The following SNRNP200 variants were observed in gnomAD, a reference collection of about 807,000 sequenced individuals.
The protein encoded by SNRNP200 is small nuclear ribonucleoprotein U5 subunit 200.
A neutral mutation model predicts 255.2 loss-of-function variants in SNRNP200; 66 were observed. The observed-to-expected ratio is 0.26, with a 90% confidence interval of 0.21 to 0.32. The LOEUF is 0.32. Among genes scored for constraint, SNRNP200 ranks in the 10% least tolerant of loss-of-function variants. SNRNP200 has a pLI of 1.00. For synonymous variants in SNRNP200, 939 were observed against 1,027.8 expected (o/e 0.91, Z 1.65); for missense variants, 1,585 against 2,749.8 (o/e 0.58, Z 9.47).
Position 96,284,523 on chromosome 2 carries a change from T to G in SNRNP200, c.4227A>C (p.Thr1409=), listed in dbSNP as rs1251386665. ...DRLNKKVVLL[T]GETSTDLKLL... Reference sequence around the variant, plus strand: ...GCTTCAGGTCTGTGCTGGTCTCGCCTGTCAGGAGTACCACCTTCTTGTTGA... The same window carrying G: ...GCTTCAGGTCTGTGCTGGTCTCGCCGGTCAGGAGTACCACCTTCTTGTTGA... The change falls in exon 31 of 45, where the codon ACA becomes ACC. Residue 1409 remains threonine, a synonymous_variant. Transcript: ENST00000323853. 1 of 1,614,046 alleles carries G rather than the reference T, an allele frequency of 6.2e-7. No individual in the cohort carries two copies. The highest frequency in any genetic ancestry group is 2.2e-5 in the East Asian group (1 of 44,888).
rs764275867 is a variant in SNRNP200 at position 96,297,370 on chromosome 2, G to A, written c.1370C>T (p.Ser457Leu). 1.9e-6 allele frequency: 3 copies of A among 1,613,484 alleles called. No individual in the cohort carries two copies. The highest frequency in any genetic ancestry group is 2.5e-6 in the Non-Finnish European group (3 of 1,180,018). ...AGAAAGCAATTCACTTACTTCTTCT[G>A]AGCCAAAGGGCTTGGGCTTCAGAGC... is the stretch of plus-strand genomic sequence containing the variant. ...VPALKPKPFG[S>L]EEQLLPVEKL... is the part of the protein sequence containing the mutation. The change falls in exon 11 of 45, where the codon TCA (serine) becomes TTA (leucine). Residue 457 changes from serine (S) to leucine (L), a missense_variant. Ser to Leu is a moderately radical substitution (Grantham distance 145, BLOSUM62 -2). This residue lies in a region of SNRNP200 where 383 missense variants were observed against 645.3 expected (regional missense o/e 0.59). Transcript: ENST00000323853.
rs1158315012 is a variant in SNRNP200 at position 96,284,544 on chromosome 2, G to T, written c.4206C>A (p.Asn1402Lys). The change falls in exon 31 of 45, where the codon AAC becomes AAA. Residue 1402 changes from asparagine (N) to lysine (K), a missense_variant. Asn to Lys is a moderately conservative substitution (Grantham distance 94). Coordinates refer to ENST00000323853, the MANE Select transcript of SNRNP200 (RefSeq NM_014014.5). ...CGCCTGTCAGGAGTACCACCTTCTT[G>T]TTGAGCCTGTCCTGGAACTTCTCGT... The part of the protein sequence containing the change: ...DWYEKFQDRL[N>K]KKVVLLTGET... 4.3e-6 allele frequency: 7 copies of T among 1,614,132 alleles called. No individual in the cohort carries two copies. The highest frequency in any genetic ancestry group is 5.1e-6 in the Non-Finnish European group (6 of 1,180,012).
At chr2:96,292,449 A>G (rs2063889916) in intron 16 of SNRNP200, among the ~76,000 whole-genome samples, 1 of 152,226 alleles carries the variant, frequency 6.6e-6, no homozygotes, top group Non-Finnish European at 1.5e-5. Flanking sequence ...TTGTTAGTTA[A>G]CATTGCTCAA....
rs377640627 is a variant in SNRNP200, at chr2:96,275,053, C to T, written c.6370G>A (p.Val2124Met). ...TCTGTCTCAGCTTCTTTCACATCCACGCTGAATTTGTACTCCTGGTCACAT... is the reference window on the plus strand; with the variant it reads ...TCTGTCTCAGCTTCTTTCACATCCATGCTGAATTTGTACTCCTGGTCACAT... ...MGCDQEYKFS[V>M]DVKEAETDSD... The change falls in exon 45 of 45, where the codon GTG becomes ATG. Residue 2124 changes from valine (V) to methionine (M), a missense_variant. Around this residue, in one of 9 missense-constraint regions of SNRNP200, gnomAD observed 279 missense variants for 551.2 expected, o/e 0.51. Coordinates refer to ENST00000323853, the MANE Select transcript of SNRNP200 (RefSeq NM_014014.5). 2.0e-5 allele frequency: 33 copies of T among 1,614,264 alleles called. No homozygotes were observed. The highest frequency in any genetic ancestry group is 2.3e-5 in the Non-Finnish European group (27 of 1,180,054).
At chr2:96,288,585 TC>T in intron 24 of SNRNP200, 77 bp downstream of exon 24, 1 of 1,314,102 alleles carries the variant, frequency 7.6e-7, no homozygotes, top group Non-Finnish European at 1.1e-6. Context: ...GGGCCTCCTT[TC>T]CCCAGGATGC....
chr2:96,290,227 C>T lies in SNRNP200; in HGVS notation c.2742+99G>A, dbSNP rs538907205. The T allele has an allele frequency of 9.0e-6, 12 of 1,338,188 alleles. No individual in the cohort carries two copies. Among genetic ancestry groups the T allele is most frequent in the South Asian group, 3.5e-5 (3 of 84,840 alleles). The allele number at this position is 1,338,188 out of a possible 1,614,324, so 82.9% of individuals were successfully genotyped here. On this transcript the variant is annotated intron_variant, in intron 20 of 44. Transcript: ENST00000323853. The surrounding 1 kb of genome is among the most constrained non-coding windows in gnomAD (Gnocchi z 4.5). ...ATGTGGGTGCAGGGATGGAAGGCCT[C>T]GGACGCTGCTGGCCCGCAGCACAAT...
At position 96,275,034 on chromosome 2, in the gene SNRNP200, T is replaced by C. The variant is rs1489562732; in HGVS notation, c.6389A>G (p.Glu2130Gly). 6.2e-7 allele frequency: 1 copy of C among 1,614,236 alleles called. No individual in the cohort carries two copies. Among genetic ancestry groups the C allele is most frequent in the Non-Finnish European group, 8.5e-7 (1 of 1,180,046 alleles). Residue 2130 changes from glutamate to glycine, a missense_variant, in exon 45 of 45, where the codon GAG becomes GGG. Around this residue, in one of 9 missense-constraint regions of SNRNP200, gnomAD observed 279 missense variants for 551.2 expected, o/e 0.51. Coordinates refer to ENST00000323853, the MANE Select transcript of SNRNP200 (RefSeq NM_014014.5). ...GACTCAATCTGAATCACTGTCTGTC[T>C]CAGCTTCTTTCACATCCACGCTGAA... Reference protein sequence around the residue: ...YKFSVDVKEAETDSDSD With the variant: ...YKFSVDVKEAGTDSDSD
intron 35 of SNRNP200, chr2:96,281,514 C>T: frequency 2.6e-6 from 1 of 387,702 alleles, no homozygotes; most frequent in Non-Finnish European, 5.0e-6. Flanking sequence ...ATGACCTCGA[C>T]CAAGTCACTT....
chr2:96,279,510 T>C lies in SNRNP200; in HGVS notation c.5074A>G (p.Asn1692Asp). 1 of 1,614,122 alleles carries C rather than the reference T, an allele frequency of 6.2e-7. No homozygotes were observed. Among genetic ancestry groups the C allele is most frequent in the South Asian group, 1.1e-5 (1 of 91,072 alleles). ...CCCTCATCGTCCTGCAAAGGGCGGT[T>C]GGCGTGGCCCACCATCTGAAGCACG... ...YDVLQMVGHA[N>D]RPLQDDEGRC... Residue 1692 changes from asparagine to aspartate, a missense_variant, in exon 36 of 45, where the codon AAC becomes GAC. Transcript: ENST00000323853.
chr2:96,278,112 G>A lies in SNRNP200; in HGVS notation c.5610+125C>T. 3.3e-6 allele frequency: 5 copies of A among 1,535,072 alleles called. No homozygotes were observed. The highest frequency in any genetic ancestry group is 4.5e-6 in the Non-Finnish European group (5 of 1,111,382). ...TGGGTTTGAGGGAGGTATGGAGCGG[G>A]AGGACATATGGCGGGGGTCGGGGGA... On this transcript the variant is annotated intron_variant, in intron 39 of 44. Transcript: ENST00000323853. This position sits in a 1 kb window ranked among gnomAD's most constrained non-coding sequence, Gnocchi z 6.9.
chr2:96,299,065 C>T, intron 6 of SNRNP200, 98 bp from the exon 7 acceptor site: 1 of 1,503,504 alleles, frequency 6.7e-7, no homozygotes, highest in East Asian at 2.3e-5. Flanking sequence ...AATCCATAGC[C>T]CACCTTCTTG....
In SNRNP200 at chr2:96,285,173, G is replaced by A. The variant is rs768889200; in HGVS notation, c.4164+7C>T. 24 of 1,613,780 alleles carry A rather than the reference G, an allele frequency of 1.5e-5. No individual in the cohort carries two copies. Among genetic ancestry groups the A allele is most frequent in the East Asian group, 8.9e-5 (4 of 44,902 alleles). On this transcript the variant is annotated splice_region_variant and intron_variant, in intron 30 of 44. Transcript: ENST00000323853. Reference sequence around the variant, plus strand: ...GGAAATTCACATGACACAGCGCCACGTCATACCTGCTCTGCCAGGGCCTCC... The same window carrying A: ...GGAAATTCACATGACACAGCGCCACATCATACCTGCTCTGCCAGGGCCTCC...
At position 96,303,215 on chromosome 2, in the gene SNRNP200, T is replaced by C; in HGVS notation, c.325A>G (p.Thr109Ala). Residue 109 changes from threonine to alanine, a missense_variant, in exon 3 of 45, where the codon ACT becomes GCT. Thr to Ala is a moderately conservative substitution (Grantham distance 58, BLOSUM62 0). This residue lies in a region of SNRNP200 where 383 missense variants were observed against 645.3 expected (regional missense o/e 0.59). Transcript: ENST00000323853. ...AGTAGCACCTCATAGGTCTCCCGAG[T>C]CTCTTTAGTTTTGGGCTTGTAGATG... ...GIIYKPKTKE[T>A]RETYEVLLSF... 1 of 1,613,946 alleles carries C rather than the reference T, an allele frequency of 6.2e-7. No homozygotes were observed. Among genetic ancestry groups the C allele is most frequent in the Non-Finnish European group, 8.5e-7 (1 of 1,179,990 alleles).
intron 43 of SNRNP200, chr2:96,276,314 C>T (rs905147357): frequency 6.4e-5 from 10 of 155,940 alleles, no homozygotes; most frequent in African/African-American, 2.2e-4. Context: ...CCAGGAAAGC[C>T]CAAGTGTCCT....
intron 5 of SNRNP200, among the ~76,000 whole-genome samples, 161 bp from the exon 6 acceptor site, chr2:96,299,588 C>T (rs1303517268): frequency 1.3e-5 from 2 of 152,174 alleles, no homozygotes; most frequent in Admixed American, 1.3e-4. Flanking sequence ...TTCCAGTGGA[C>T]ATAGAATGAC....
intron 11 of SNRNP200, 84 bp from the exon 12 acceptor site, chr2:96,297,154 C>T: frequency 1.3e-6 from 2 of 1,597,648 alleles, no homozygotes; most frequent in Non-Finnish European, 1.7e-6. Context: ...GATTTTGTTC[C>T]CTGGCAATCT....
chr2:96,282,956 G>A (rs768538727), intron 34 of SNRNP200: 1 of 585,640 alleles, frequency 1.7e-6, no homozygotes, highest in Non-Finnish European at 3.0e-6. Context: ...AGAAAACCAG[G>A]TTCTGAAATA....
intron 29 of SNRNP200, among the ~76,000 whole-genome samples, chr2:96,285,746 C>A (rs749329626): frequency 6.6e-5 from 10 of 152,246 alleles, no homozygotes; most frequent in Non-Finnish European, 1.5e-4. Flanking sequence ...AAGTAAGAGC[C>A]TTATCCCTGG....
rs746283919 is a variant in SNRNP200, at chr2:96,293,011, G to A, written c.2121C>T (p.Ile707=). 9.9e-6 allele frequency: 16 copies of A among 1,614,056 alleles called. 1 individual carries two copies. The Admixed American group carries it at 1.8e-4, about 18-fold the overall frequency. ...AIKRFQIMNE[I]VYEKIMEHAG... is the part of the protein sequence containing the mutation. ...CATGTTCCATGATTTTTTCATAGACGATTTCATTCATGATCTGGAAACGCT... is the reference window on the plus strand; with the variant it reads ...CATGTTCCATGATTTTTTCATAGACAATTTCATTCATGATCTGGAAACGCT... Residue 707 remains isoleucine, a synonymous_variant, in exon 16 of 45, where the codon ATC becomes ATT. Transcript: ENST00000323853.
Sources: gnomAD v4.1 joint callset for allele counts (sites outside exome capture counted in the v4.1 genomes callset) on GRCh38, gnomAD v4.1.1 for gene constraint, gnomAD v4.1.1 regional missense constraint, Gnocchi (gnomAD v3.1) non-coding constraint, MANE v1.5 for transcripts, NCBI Gene and HGNC (gene_info 2026-07-23, HGNC 2026-07-21) for gene names.